FRMD4A: variants seen among roughly 807,000 people sequenced by gnomAD.
FRMD4A encodes FERM domain-containing protein 4A.
Under a neutral mutation model 129.1 loss-of-function variants are expected in FRMD4A, and 29 were observed. That is an observed-to-expected ratio of 0.22 (90% CI 0.17 to 0.31). The LOEUF (loss-of-function observed/expected upper bound fraction) is 0.31. Among genes scored for constraint, FRMD4A ranks in the 10% least tolerant of loss-of-function variants. The pLI, the probability that FRMD4A is intolerant of heterozygous loss-of-function variation, is 1.00. For missense variants in FRMD4A, 1,272 were observed against 1,375.8 expected (o/e 0.92, Z 1.19); for synonymous variants, 634 against 571.6 (o/e 1.11, Z -1.56).
intron 2 of FRMD4A, among the ~76,000 whole-genome samples, chr10:13,930,733 T>C (rs372230446): frequency 7.9e-4 from 121 of 152,266 alleles, no homozygotes; most frequent in Middle Eastern, 3.4e-3. Context: ...GAATTAAGAA[T>C]AAAAAGGCAA....
chr10:13,804,344 G>T (rs1312044039), intron 4 of FRMD4A, among the ~76,000 whole-genome samples: 1 of 152,114 alleles, frequency 6.6e-6, no homozygotes, highest in African/African-American at 2.4e-5. Flanking sequence ...TTTTTAAATT[G>T]TAGATAAGCT....
intron 2 of FRMD4A, among the ~76,000 whole-genome samples, chr10:13,990,102 C>T (rs149003497): frequency 2.8e-3 from 420 of 152,306 alleles, no homozygotes; most frequent in Admixed American, 8.0e-3. Context: ...GGACAAATGA[C>T]TTAATCTCTC....
chr10:14,037,724 T>C (rs1363603296), intron 2 of FRMD4A, among the ~76,000 whole-genome samples: 1 of 152,180 alleles, frequency 6.6e-6, no homozygotes, highest in African/African-American at 2.4e-5. Context: ...ATATCCCCAG[T>C]ATAGAGAGTG....
At chr10:14,169,755 C>A (rs1841379269) in intron 2 of FRMD4A, among the ~76,000 whole-genome samples, 1 of 152,152 alleles carries the variant, frequency 6.6e-6, no homozygotes, top group African/African-American at 2.4e-5. Context: ...CTAAACCTGT[C>A]ATTCTTCAGC....
In FRMD4A at chr10:13,782,721, C is replaced by T. The variant is rs768803625; in HGVS notation, c.384+201G>A. On this transcript the variant is annotated intron_variant, in intron 6 of 24. Transcript: ENST00000357447. ...CCTCCCAAAGTGTTGGGATTACAGG[C>T]GTGAGCCAGCGCGCCGGGTCAGGAA... Among the ~76,000 whole-genome samples the T allele has an allele frequency of 1.8e-4, 28 of 152,282 alleles. 1 individual carries two copies. Among genetic ancestry groups the T allele is most frequent in the Middle Eastern group, 3.4e-3 (1 of 294 alleles).
intron 3 of FRMD4A, among the ~76,000 whole-genome samples, chr10:13,858,370 G>A (rs2094242624): frequency 6.6e-6 from 1 of 152,226 alleles, no homozygotes; most frequent in Admixed American, 6.5e-5. Flanking sequence ...GGGAGGCAGA[G>A]GTTGCAGTGA....
chr10:14,019,147 G>A lies in FRMD4A; in HGVS notation c.46-160235C>T, dbSNP rs749546529. On this transcript the variant is annotated intron_variant, in intron 2 of 24. Coordinates refer to ENST00000357447, the MANE Select transcript of FRMD4A (RefSeq NM_018027.5). Reference sequence around the variant, plus strand: ...AGAGGATCCTCAAGAAGACAGTCACGCAAGAGACCAAGAGAAGAGCTAATC... The same window carrying A: ...AGAGGATCCTCAAGAAGACAGTCACACAAGAGACCAAGAGAAGAGCTAATC... Among the ~76,000 whole-genome samples the A allele has an allele frequency of 2.5e-4, 38 of 152,208 alleles. 1 individual carries two copies. Among genetic ancestry groups the A allele is most frequent in the South Asian group, 8.3e-4 (4 of 4,822 alleles).
chr10:13,817,083 C>T (rs1362269413), intron 3 of FRMD4A, among the ~76,000 whole-genome samples: 1 of 152,192 alleles, frequency 6.6e-6, no homozygotes, highest in Admixed American at 6.5e-5. Context: ...CAAATAAAAC[C>T]TCCTTGCAAA....
At chr10:14,005,803 C>A (rs1183266312) in intron 2 of FRMD4A, among the ~76,000 whole-genome samples, 1 of 152,190 alleles carries the variant, frequency 6.6e-6, no homozygotes, top group Non-Finnish European at 1.5e-5. Flanking sequence ...ACTCTCCACG[C>A]CTTGGTTTCC....
At chr10:14,001,999 A>G (rs1420987741) in intron 2 of FRMD4A, among the ~76,000 whole-genome samples, 1 of 152,220 alleles carries the variant, frequency 6.6e-6, no homozygotes, top group Non-Finnish European at 1.5e-5. Context: ...TTCTTAAGTT[A>G]TGCAGCTTAG....
At chr10:14,276,737 C>T (rs1197472301) in intron 2 of FRMD4A, among the ~76,000 whole-genome samples, 1 of 152,212 alleles carries the variant, frequency 6.6e-6, no homozygotes, top group Non-Finnish European at 1.5e-5. Context: ...GGTTTGTTTG[C>T]TTCTCTATGG....
At chr10:13,694,625 G>C (rs1458866770) in intron 14 of FRMD4A, among the ~76,000 whole-genome samples, 1 of 152,216 alleles carries the variant, frequency 6.6e-6, no homozygotes, top group Non-Finnish European at 1.5e-5. Flanking sequence ...GGAAAGTTTA[G>C]CTGATGGAGA....
At chr10:14,013,452 G>C (rs1048050265) in intron 2 of FRMD4A, among the ~76,000 whole-genome samples, 1 of 152,130 alleles carries the variant, frequency 6.6e-6, no homozygotes, top group Non-Finnish European at 1.5e-5. Context: ...AGGAGGGAGA[G>C]GGAAACAAAA....
chr10:14,272,775 T>C (rs1845206567), intron 2 of FRMD4A, among the ~76,000 whole-genome samples: 1 of 152,238 alleles, frequency 6.6e-6, no homozygotes, highest in Non-Finnish European at 1.5e-5. Context: ...GTCAGGAATA[T>C]TGACTTGCCT....
chr10:14,264,092 T>G (rs1210581447), intron 2 of FRMD4A, among the ~76,000 whole-genome samples: 1 of 152,090 alleles, frequency 6.6e-6, no homozygotes, highest in Non-Finnish European at 1.5e-5. Flanking sequence ...CTCAAGAACT[T>G]TTCACCTGCC....
At chr10:13,932,502 T>C (rs963116889) in intron 2 of FRMD4A, among the ~76,000 whole-genome samples, 3 of 152,152 alleles carry the variant, frequency 2.0e-5, no homozygotes, top group African/African-American at 7.2e-5. Context: ...CAGTCTCTCT[T>C]GCTCCTCCTA....
At chr10:14,054,446 G>A (rs1383422942) in intron 2 of FRMD4A, among the ~76,000 whole-genome samples, 3 of 152,130 alleles carry the variant, frequency 2.0e-5, no homozygotes, top group Non-Finnish European at 4.4e-5. Flanking sequence ...AAACACAGCT[G>A]AGGCCAGTGG....
At chr10:13,658,840 C>G (rs1002971794) in intron 21 of FRMD4A, among the ~76,000 whole-genome samples, 2 of 150,202 alleles carry the variant, frequency 1.3e-5, no homozygotes, top group Non-Finnish European at 3.0e-5. Context: ...CAAGATCGCG[C>G]CACTGTACTC....
intron 9 of FRMD4A, among the ~76,000 whole-genome samples, chr10:13,742,787 GA>G (rs1351033826): frequency 2.6e-5 from 4 of 152,044 alleles, no homozygotes. Context: ...GAAATGCTGG[GA>G]TTACAGGTGT....
Sources: allele counts gnomAD v4.1 joint callset (sites outside exome capture counted in the v4.1 genomes callset), GRCh38; gene constraint gnomAD v4.1.1; transcripts MANE v1.5; gene names NCBI Gene and HGNC (gene_info 2026-07-23, HGNC 2026-07-21).